Variants in YLPM1 observed in about 807,000 individuals in gnomAD.
YLPM1 encodes the protein YLP motif-containing protein 1.
A neutral mutation model predicts 230.0 loss-of-function variants in YLPM1; 99 were observed. The ratio of observed to expected loss-of-function variants is 0.43; its 90% CI spans 0.37 to 0.51. YLPM1 has a LOEUF of 0.51. Ranked by LOEUF, YLPM1 falls within the 20% of genes least tolerant of loss-of-function variation. The pLI, the probability that YLPM1 is intolerant of heterozygous loss-of-function variation, is 0.00. For missense variants in YLPM1, 2,592 were observed against 2,707.7 expected (o/e 0.96, Z 0.95); for synonymous variants, 984 against 942.5 (o/e 1.04, Z -0.81).
chr14:74,802,935 G>T (rs1323191094), intron 6 of YLPM1, among the ~76,000 whole-genome samples: 1 of 152,164 alleles, frequency 6.6e-6, no homozygotes, highest in South Asian at 2.1e-4. Context: ...TCACAAAATG[G>T]TAGAATTTTT....
rs201555955 is a variant in YLPM1 at position 74,782,099 on chromosome 14, C to G, written c.2056C>G (p.His686Asp). ...SFGSAPPTTY[H>D]PPLQSAGPSE... ...TGGTTCTGCCCCACCGACAACTTAC[C>G]ATCCTCCGTTGCAATCAGCTGGTCC... is the stretch of plus-strand genomic sequence containing the variant. The change falls in exon 4 of 21, where the codon CAT becomes GAT. Residue 686 changes from histidine (H) to aspartate (D), a missense_variant. This residue lies in a region of YLPM1 where 1,862 missense variants were observed against 1,819.8 expected (regional missense o/e 1.02). Transcript: ENST00000325680. The G allele has an allele frequency of 2.4e-5, 39 of 1,613,988 alleles. No homozygotes were observed. Among genetic ancestry groups the G allele is most frequent in the Non-Finnish European group, 5.1e-6 (6 of 1,179,886 alleles).
chr14:74,808,902 G>C (rs893800640), intron 6 of YLPM1, among the ~76,000 whole-genome samples: 9 of 151,902 alleles, frequency 5.9e-5, no homozygotes, highest in African/African-American at 1.7e-4. Context: ...ATCTAAAAGG[G>C]TTTTTCTTTC....
chr14:74,816,620 A>G lies in YLPM1; in HGVS notation c.5615A>G (p.Asp1872Gly), dbSNP rs1566762577. Residue 1872 changes from aspartate to glycine, a missense_variant, in exon 13 of 21, where the codon GAT (aspartate) becomes GGT (glycine). By Grantham distance (94) the Asp-to-Gly change is moderately conservative. Coordinates refer to ENST00000325680, the MANE Select transcript of YLPM1 (RefSeq NM_019589.3). ...CCTGCACCCAGAGTTCTAAGCCTGGATGATTACTTCATCACTGAAGTGGAA... is the reference window on the plus strand; with the variant it reads ...CCTGCACCCAGAGTTCTAAGCCTGGGTGATTACTTCATCACTGAAGTGGAA... ...GGPAPRVLSL[D>G]DYFITEVEKE... 1 of 1,613,700 alleles carries G rather than the reference A, an allele frequency of 6.2e-7. No individual in the cohort carries two copies. Among genetic ancestry groups the G allele is most frequent in the Non-Finnish European group, 8.5e-7 (1 of 1,179,684 alleles).
At position 74,835,362 on chromosome 14, in the gene YLPM1, A is replaced by G; in HGVS notation, c.6392A>G (p.Glu2131Gly). The change falls in exon 20 of 21, where the codon GAA (glutamate) becomes GGA (glycine). Residue 2131 changes from glutamate (E) to glycine (G), a missense_variant. Transcript: ENST00000325680. ...GQTDWEKITD[E>G]SGHLAEKALN... ...ACTGATTGGGAGAAGATCACAGATGAAAGTGGTCACCTGGCTGAAAAAGCC... is the reference window on the plus strand; with the variant it reads ...ACTGATTGGGAGAAGATCACAGATGGAAGTGGTCACCTGGCTGAAAAAGCC... 5 of 1,613,792 alleles carry G rather than the reference A, an allele frequency of 3.1e-6. No individual in the cohort carries two copies. Among genetic ancestry groups the G allele is most frequent in the Non-Finnish European group, 3.4e-6 (4 of 1,179,736 alleles).
In YLPM1 at chr14:74,798,726, G is replaced by C. The variant is rs962351003; in HGVS notation, c.3429G>C (p.Glu1143Asp). The change falls in exon 5 of 21, where the codon GAG becomes GAC. Residue 1143 changes from glutamate to aspartate, a missense_variant. Transcript: ENST00000325680. Reference protein sequence around the residue: ...RIPPRRAGSRERGPPRGPGSR... With the variant: ...RIPPRRAGSRDRGPPRGPGSR... ...CACCCCGAAGAGCTGGGAGCAGGGA[G>C]AGAGGACCACCTCGAGGGCCTGGCA... The C allele has an allele frequency of 1.2e-6, 2 of 1,612,766 alleles. No homozygotes were observed. Among genetic ancestry groups the C allele is most frequent in the Non-Finnish European group, 1.7e-6 (2 of 1,179,198 alleles).
rs767582568 is a variant in YLPM1 at position 74,798,594 on chromosome 14, G to A, written c.3297G>A (p.Gly1099=). 19 of 1,613,296 alleles carry A rather than the reference G, an allele frequency of 1.2e-5. No individual in the cohort carries two copies. Among genetic ancestry groups the A allele is most frequent in the Admixed American group, 1.7e-5 (1 of 59,972 alleles). The part of the protein sequence containing the change: ...SREKVPGGLQ[G]SQDRGAAGSR... ...AGAAAGTGCCAGGTGGTCTTCAAGG[G>A]AGCCAGGACAGGGGTGCAGCTGGCA... is the stretch of plus-strand genomic sequence containing the variant. The change falls in exon 5 of 21, where the codon GGG becomes GGA. Residue 1099 remains glycine (G), a synonymous_variant. Coordinates refer to ENST00000325680, the MANE Select transcript of YLPM1 (RefSeq NM_019589.3).
At position 74,781,677 on chromosome 14, in the gene YLPM1, C is replaced by G. The variant is rs769066553; in HGVS notation, c.1634C>G (p.Pro545Arg). ...GTGTTGCCTCCTTCATTGCCACCAC[C>G]AGTGATGCCCCCTGCCCTCCCTGCT... ...PPVLPPSLPPPVMPPALPATV... is the reference protein window; with the variant it reads ...PPVLPPSLPPRVMPPALPATV... Residue 545 changes from proline to arginine, a missense_variant, in exon 4 of 21, where the codon CCA becomes CGA. Physicochemically the swap from Pro to Arg is moderately radical, Grantham distance 103 (BLOSUM62 -2). Coordinates refer to ENST00000325680, the MANE Select transcript of YLPM1 (RefSeq NM_019589.3). 3 of 1,613,180 alleles carry G rather than the reference C, an allele frequency of 1.9e-6. No homozygotes were observed. The highest frequency in any genetic ancestry group is 2.5e-6 in the Non-Finnish European group (3 of 1,179,666).
chr14:74,790,032 T>C (rs920803584), intron 4 of YLPM1, among the ~76,000 whole-genome samples: 2 of 152,192 alleles, frequency 1.3e-5, no homozygotes, highest in Admixed American at 1.3e-4. Flanking sequence ...TGATTATTCT[T>C]ATTAGAATCA....
chr14:74,801,278 G>GGGTCATAAAAGTCA (rs2091322081), intron 5 of YLPM1, among the ~76,000 whole-genome samples: 1 of 152,158 alleles, frequency 6.6e-6, no homozygotes, highest in African/African-American at 2.4e-5. Context: ...AAAGTCGTAA[G>GGGTCATAAAAGTCA]GAGTATCATA....
intron 17 of YLPM1, chr14:74,823,968 A>T: frequency 3.4e-6 from 1 of 292,964 alleles, no homozygotes; most frequent in Non-Finnish European, 6.4e-6. Context: ...TTTGCTATAC[A>T]GCTGTTGTTC....
In YLPM1 at chr14:74,797,815, C is replaced by A. The variant is rs2091279173; in HGVS notation, c.2518C>A (p.Pro840Thr). The change falls in exon 5 of 21, where the codon CCC becomes ACC. Residue 840 changes from proline (P) to threonine (T), a missense_variant. By Grantham distance (38) the Pro-to-Thr change is conservative. Transcript: ENST00000325680. Reference protein sequence around the residue: ...PRQSGPQWKGPKPAFGQQHQQ... With the variant: ...PRQSGPQWKGTKPAFGQQHQQ... ...ACAGAGTGGACCACAGTGGAAAGGC[C>A]CCAAACCAGCTTTTGGACAGCAGCA... 6.2e-7 allele frequency: 1 copy of A among 1,613,740 alleles called. No individual in the cohort carries two copies. Among genetic ancestry groups the A allele is most frequent in the East Asian group, 2.2e-5 (1 of 44,880 alleles).
chr14:74,810,091 C>T, intron 8 of YLPM1, 89 bp downstream of exon 8: 1 of 1,453,786 alleles, frequency 6.9e-7, no homozygotes, highest in Non-Finnish European at 9.2e-7. Flanking sequence ...TCTGAGCCTC[C>T]ATTTAATACA....
At chr14:74,765,112 T>C (rs781135417) in intron 1 of YLPM1, among the ~76,000 whole-genome samples, 17 of 152,182 alleles carry the variant, frequency 1.1e-4, no homozygotes, top group Non-Finnish European at 2.2e-4. Flanking sequence ...AAAAAAAGTT[T>C]GGTGATATCT....
At chr14:74,766,839 C>T (rs577705121) in intron 1 of YLPM1, among the ~76,000 whole-genome samples, 130 of 150,854 alleles carry the variant, frequency 8.6e-4, no homozygotes, top group Non-Finnish European at 1.2e-3. Flanking sequence ...CATTCTTAGT[C>T]AAGTACCTCT....
At chr14:74,813,121 A>C (rs1259381322) in intron 11 of YLPM1, among the ~76,000 whole-genome samples, 5 of 152,210 alleles carry the variant, frequency 3.3e-5, no homozygotes, top group Admixed American at 1.3e-4. Flanking sequence ...CTTAGGCTTA[A>C]TTTCCTAGTG....
chr14:74,801,234 A>G (rs1309026073), intron 5 of YLPM1, among the ~76,000 whole-genome samples: 1 of 152,228 alleles, frequency 6.6e-6, no homozygotes, highest in Non-Finnish European at 1.5e-5. Flanking sequence ...ATAATGTCAT[A>G]GCCGAATACA....
At chr14:74,794,786 C>CACAT (rs2091242914) in intron 4 of YLPM1, among the ~76,000 whole-genome samples, 1 of 142,564 alleles carries the variant, frequency 7.0e-6, no homozygotes, top group African/African-American at 2.6e-5. Context: ...CACACACACA[C>CACAT]ATATTTAAAC....
intron 1 of YLPM1, among the ~76,000 whole-genome samples, chr14:74,774,129 A>G (rs1302320690): frequency 2.0e-5 from 3 of 152,222 alleles, no homozygotes. Flanking sequence ...TGTAAGTTGA[A>G]CATTTAATAC....
chr14:74,784,399 A>G (rs2091126262), intron 4 of YLPM1, among the ~76,000 whole-genome samples: 2 of 152,240 alleles, frequency 1.3e-5, no homozygotes, highest in Non-Finnish European at 2.9e-5. Flanking sequence ...TCTTGCACAT[A>G]TCATCTTATT....
Sources: gnomAD v4.1 joint callset for allele counts (sites outside exome capture counted in the v4.1 genomes callset) on GRCh38, gnomAD v4.1.1 for gene constraint, gnomAD v4.1.1 regional missense constraint, MANE v1.5 for transcripts, NCBI Gene and HGNC (gene_info 2026-07-23, HGNC 2026-07-21) for gene names.